The following MOCS2 variants were observed in gnomAD, a reference collection of about 807,000 sequenced individuals.
MOCS2 encodes the protein molybdopterin synthase catalytic subunit.
A neutral mutation model predicts 21.9 loss-of-function variants in MOCS2; 13 were observed. The ratio of observed to expected loss-of-function variants is 0.59; its 90% CI spans 0.39 to 0.94. The LOEUF (loss-of-function observed/expected upper bound fraction) is 0.94, where lower values mean the gene tolerates loss of function less well. Ranked by LOEUF, MOCS2 falls within the 40% of genes least tolerant of loss-of-function variation. The pLI is 0.00. For synonymous variants in MOCS2, 92 were observed against 80.8 expected (o/e 1.14, Z -0.74); for missense variants, 227 against 218.3 (o/e 1.04, Z -0.25).
chr5:53,102,344 G>T, intron 3 of MOCS2, 120 bp from the exon 4 acceptor site: 1 of 995,544 alleles, frequency 1.0e-6, no homozygotes, highest in Non-Finnish European at 1.5e-6. Context: ...GGAAGAGGCT[G>T]TGGCACAAAA....
In MOCS2 at chr5:53,098,707, T is replaced by A. The variant is rs564994675; in HGVS notation, c.502-40A>T. 31 of 1,310,202 alleles carry A rather than the reference T, an allele frequency of 2.4e-5. No individual in the cohort carries two copies. In the African/African-American group the frequency reaches 4.3e-4, roughly 18 times the overall value. 81.2% of individuals were successfully genotyped at this position (1,310,202 alleles called of 1,614,324 possible). ...CATAACAGGTATTAAAAATAGACCA[T>A]TCTACTATACGAATATAAAATATAT... On this transcript the variant is annotated intron_variant, in intron 6 of 6. Transcript: ENST00000396954.
At position 53,109,576 on chromosome 5, in the gene MOCS2, C is replaced by T. The variant is rs1411449879; in HGVS notation, c.-495G>A. ...GGGCGGGGGCGGGGGCGCCCCCGAA[C>T]CCAAGACGCCGGCCAGGTTGGGGGC... On this transcript the variant is annotated 5_prime_UTR_variant, in exon 1 of 7. Coordinates refer to ENST00000396954, the MANE Select transcript of MOCS2 (RefSeq NM_004531.5). The T allele has an allele frequency of 7.0e-7, 1 of 1,429,320 alleles. No individual in the cohort carries two copies. Among genetic ancestry groups the T allele is most frequent in the Non-Finnish European group, 9.2e-7 (1 of 1,088,418 alleles). 88.5% of individuals were successfully genotyped at this position (1,429,320 alleles called of 1,614,324 possible).
chr5:53,104,496 G>A (rs946006225), intron 3 of MOCS2, among the ~76,000 whole-genome samples: 16 of 152,112 alleles, frequency 1.1e-4, no homozygotes, highest in Non-Finnish European at 2.2e-4. Flanking sequence ...GAATAAATTC[G>A]AAATTCCAAA....
intron 3 of MOCS2, among the ~76,000 whole-genome samples, chr5:53,103,561 T>C (rs1298866158): frequency 1.3e-5 from 2 of 152,166 alleles, no homozygotes; most frequent in Non-Finnish European, 2.9e-5. Flanking sequence ...TTGCCATGCA[T>C]TTCTCATTTA....
intron 3 of MOCS2, among the ~76,000 whole-genome samples, chr5:53,104,670 G>A (rs182258974): frequency 8.3e-4 from 126 of 152,264 alleles, no homozygotes; most frequent in Non-Finnish European, 1.2e-3. Flanking sequence ...CTGTTTTACA[G>A]ATTGATTCTT....
intron 1 of MOCS2, 56 bp from the exon 2 acceptor site, chr5:53,108,699 A>G: frequency 6.4e-7 from 1 of 1,562,532 alleles, no homozygotes; most frequent in Non-Finnish European, 8.7e-7. Context: ...CTGACTGTCA[A>G]TGTTGAGCAG....
chr5:53,100,696 G>A (rs923774151), intron 5 of MOCS2, 162 bp from the exon 6 acceptor site: 1 of 713,386 alleles, frequency 1.4e-6, no homozygotes, highest in Non-Finnish European at 2.3e-6. Flanking sequence ...ATTAATTGCA[G>A]TAGCATTCAG....
chr5:53,098,268 T>A lies in MOCS2; in HGVS notation c.*334A>T, dbSNP rs1422798489. 5 of 286,728 alleles carry A rather than the reference T, an allele frequency of 1.7e-5. No homozygotes were observed. Among genetic ancestry groups the A allele is most frequent in the Non-Finnish European group, 2.6e-5 (4 of 150,994 alleles). The allele number at this position is 286,728 out of a possible 1,614,324, so 17.8% of individuals were successfully genotyped here. On this transcript the variant is annotated 3_prime_UTR_variant, in exon 7 of 7. Transcript: ENST00000396954. ...TTGGTGGGGGAGTACGTTTCTGAGC[T>A]AGTTAAAGTCACTGAGGAGGGCCCA...
Position 53,096,001 on chromosome 5 carries a change from C to T in MOCS2, c.*2601G>A, listed in dbSNP as rs1405985498. 1 of 152,136 alleles carries T rather than the reference C, an allele frequency of 6.6e-6. No individual in the cohort carries two copies. The highest frequency in any genetic ancestry group is 1.5e-5 in the Non-Finnish European group (1 of 68,032). 9.4% of individuals were successfully genotyped at this position (152,136 alleles called of 1,614,324 possible). On this transcript the variant is annotated 3_prime_UTR_variant, in exon 7 of 7. Transcript: ENST00000396954. Reference sequence around the variant, plus strand: ...TCATTTCGGAACCACTACAGCCTGACTTTAAAGAAAATGGCTACTAAACTG... The same window carrying T: ...TCATTTCGGAACCACTACAGCCTGATTTTAAAGAAAATGGCTACTAAACTG...
At chr5:53,101,552 G>A (rs759835962) in intron 4 of MOCS2, 43 bp from the exon 5 acceptor site, 3 of 1,407,398 alleles carry the variant, frequency 2.1e-6, no homozygotes, top group Admixed American at 1.8e-5. Flanking sequence ...ATTAAAATAA[G>A]GTTTTTCCCT....
chr5:53,099,155 C>A (rs987346638), intron 6 of MOCS2, among the ~76,000 whole-genome samples: 6 of 152,198 alleles, frequency 3.9e-5, no homozygotes, highest in African/African-American at 1.4e-4. Context: ...ACTCTCTAGT[C>A]ACATTCCATT....
chr5:53,099,262 T>C (rs1013960970), intron 6 of MOCS2, among the ~76,000 whole-genome samples: 2 of 152,180 alleles, frequency 1.3e-5, no homozygotes, highest in Non-Finnish European at 2.9e-5. Context: ...GAAGCCCAAC[T>C]AGTCCTCAAA....
At chr5:53,105,518 C>T (rs1315514106) in intron 3 of MOCS2, among the ~76,000 whole-genome samples, 1 of 152,156 alleles carries the variant, frequency 6.6e-6, no homozygotes, top group Non-Finnish European at 1.5e-5. Context: ...AACTGGCTAG[C>T]CATGTGCAGA....
chr5:53,099,553 T>TTA (rs1740850282), intron 6 of MOCS2, among the ~76,000 whole-genome samples: 1 of 148,614 alleles, frequency 6.7e-6, no homozygotes, highest in Non-Finnish European at 1.5e-5. Context: ...TCCCTACGTA[T>TTA]TCTAACAATG....
rs1332205754 is a variant in MOCS2, at chr5:53,100,323, A to G, written c.501+88T>C. ...AGAAAACAAGATACTACAGTCAGTAAAAAGTCCATAAATATGGGGGGATTT... is the reference window on the plus strand; with the variant it reads ...AGAAAACAAGATACTACAGTCAGTAGAAAGTCCATAAATATGGGGGGATTT... On this transcript the variant is annotated intron_variant, in intron 6 of 6. Transcript: ENST00000396954. The G allele has an allele frequency of 2.5e-5, 37 of 1,456,788 alleles. 1 individual carries two copies. In the South Asian group the frequency reaches 3.6e-4, roughly 14 times the overall value. The allele number at this position is 1,456,788 out of a possible 1,614,324, so 90.2% of individuals were successfully genotyped here. A position where few individuals can be genotyped will look rare whatever the true frequency, so the allele number is the denominator to read the frequency against.
intron 2 of MOCS2, 40 bp downstream of exon 2, chr5:53,108,481 TC>T (rs1410959417): frequency 8.4e-6 from 13 of 1,546,524 alleles, no homozygotes; most frequent in Non-Finnish European, 1.1e-5. Context: ...TTTGAAAATA[TC>T]TAAGTGTTAC....
At position 53,100,372 on chromosome 5, in the gene MOCS2, C is replaced by T. The variant is rs778462840; in HGVS notation, c.501+39G>A. The T allele has an allele frequency of 5.0e-5, 81 of 1,612,068 alleles. 2 individuals are homozygous for T. In the Admixed American group the frequency reaches 1.2e-3, roughly 24 times the overall value. ...TTATCTAAAAATTCCTGAGAAAAAT[C>T]AGGTCCACATGCTAAAATGTGTTAT... is the stretch of plus-strand genomic sequence containing the variant. On this transcript the variant is annotated intron_variant, in intron 6 of 6. Coordinates refer to ENST00000396954, the MANE Select transcript of MOCS2 (RefSeq NM_004531.5).
In MOCS2 at chr5:53,098,156, A is replaced by G. The variant is rs1225624471; in HGVS notation, c.*446T>C. On this transcript the variant is annotated 3_prime_UTR_variant, in exon 7 of 7. Transcript: ENST00000396954. ...AAGACTGTCTGATAATGCTTTTTTA[A>G]TACTTTCCAGTTCTGCCAACATTCC... is the stretch of plus-strand genomic sequence containing the variant. The G allele has an allele frequency of 6.1e-6, 1 of 165,264 alleles. No homozygotes were observed. The highest frequency in any genetic ancestry group is 1.3e-5 in the Non-Finnish European group (1 of 75,418). The allele number at this position is 165,264 out of a possible 1,614,324, so 10.2% of individuals were successfully genotyped here.
Position 53,096,298 on chromosome 5 carries a change from T to A in MOCS2, c.*2304A>T, listed in dbSNP as rs1011957795. On this transcript the variant is annotated 3_prime_UTR_variant, in exon 7 of 7. Transcript: ENST00000396954. ...AGGACAAAAATGTCCACAAAATAAG[T>A]CACTCATTGAATATCTGCTGTTACT... 5 of 152,208 alleles carry A rather than the reference T, an allele frequency of 3.3e-5. No individual in the cohort carries two copies. Among genetic ancestry groups the A allele is most frequent in the African/African-American group, 1.2e-4 (5 of 41,464 alleles). The allele number at this position is 152,208 out of a possible 1,614,324, so 9.4% of individuals were successfully genotyped here.
Sources: allele counts gnomAD v4.1 joint callset (sites outside exome capture counted in the v4.1 genomes callset), GRCh38; gene constraint gnomAD v4.1.1; transcripts MANE v1.5; gene names NCBI Gene and HGNC (gene_info 2026-07-23, HGNC 2026-07-21).